The following HSD17B4 variants were observed in gnomAD, a reference collection of about 807,000 sequenced individuals.
HSD17B4 encodes the protein peroxisomal multifunctional enzyme type 2.
A neutral mutation model predicts 101.0 loss-of-function variants in HSD17B4; 70 were observed. That is an observed-to-expected ratio of 0.69 (90% confidence interval 0.57 to 0.85). HSD17B4 has a LOEUF of 0.85. HSD17B4 is among the 40% of genes least tolerant of loss of function. The pLI is 0.00. For missense variants in HSD17B4, 984 were observed against 892.4 expected (o/e 1.10, Z -1.31); for synonymous variants, 347 against 297.1 (o/e 1.17, Z -1.73).
chr5:119,516,961 G>A (rs1406800108), intron 17 of HSD17B4, among the ~76,000 whole-genome samples: 3 of 152,254 alleles, frequency 2.0e-5, no homozygotes, highest in African/African-American at 4.8e-5. Context: ...CACAGCCCTC[G>A]CTCGCTCTCG....
At chr5:119,532,645 C>G (rs532494960) in intron 22 of HSD17B4, among the ~76,000 whole-genome samples, 1 of 152,008 alleles carries the variant, frequency 6.6e-6, no homozygotes, top group Non-Finnish European at 1.5e-5. Context: ...CTATTAATTT[C>G]TAAACCCAGC....
At chr5:119,506,947 CAT>C (rs1334922451) in intron 15 of HSD17B4, 58 bp downstream of exon 15, 1 of 846,190 alleles carries the variant, frequency 1.2e-6, no homozygotes, top group East Asian at 2.6e-5. Flanking sequence ...TTGTGTATGA[CAT>C]AATACTTCAC....
At chr5:119,467,095 T>C (rs897364858) in intron 2 of HSD17B4, among the ~76,000 whole-genome samples, 5 of 152,240 alleles carry the variant, frequency 3.3e-5, no homozygotes, top group Non-Finnish European at 5.9e-5. Flanking sequence ...CCAAAGTTCT[T>C]GTTATTGATT....
chr5:119,503,708 A>C (rs894442377), intron 14 of HSD17B4, among the ~76,000 whole-genome samples: 4 of 151,294 alleles, frequency 2.6e-5, no homozygotes, highest in African/African-American at 9.7e-5. Context: ...CACTAGAAGG[A>C]GTGAAGGAAC....
chr5:119,455,674 A>T (rs1441980678), intron 1 of HSD17B4, among the ~76,000 whole-genome samples: 1 of 151,760 alleles, frequency 6.6e-6, no homozygotes, highest in Non-Finnish European at 1.5e-5. Flanking sequence ...GTCAGGGTTC[A>T]CTGTGGGATA....
intron 17 of HSD17B4, among the ~76,000 whole-genome samples, chr5:119,522,978 C>G (rs1223108698): frequency 6.6e-6 from 1 of 152,158 alleles, no homozygotes. Flanking sequence ...AGCCCTGCCA[C>G]TCTGCAGTAG....
At position 119,529,831 on chromosome 5, in the gene HSD17B4, C is replaced by G. The variant is rs1753901352; in HGVS notation, c.1768-63C>G. On this transcript the variant is annotated intron_variant, in intron 20 of 23. Coordinates refer to ENST00000510025, the MANE Select transcript of HSD17B4 (RefSeq NM_000414.4). ...ATAAATTTTAAACTTTGTACTGTTT[C>G]ACAGTGAAATTACACTTCCATTGTA... 2.1e-5 allele frequency: 20 copies of G among 943,892 alleles called. No individual in the cohort carries two copies. The South Asian group carries it at 2.5e-4, about 12-fold the overall frequency. The allele number at this position is 943,892 out of a possible 1,614,324, so 58.5% of individuals were successfully genotyped here.
chr5:119,533,063 C>G (rs1234417089), intron 22 of HSD17B4, among the ~76,000 whole-genome samples: 1 of 151,942 alleles, frequency 6.6e-6, no homozygotes, highest in Non-Finnish European at 1.5e-5. Flanking sequence ...AAATCTGATT[C>G]CAAATTCCAA....
chr5:119,485,611 C>G (rs996915138), intron 8 of HSD17B4, among the ~76,000 whole-genome samples: 1 of 152,088 alleles, frequency 6.6e-6, no homozygotes, highest in Admixed American at 6.6e-5. Context: ...TTCTCCTCCT[C>G]TAAAATATTT....
intron 2 of HSD17B4, among the ~76,000 whole-genome samples, chr5:119,468,600 A>AT (rs949693073): frequency 6.6e-6 from 1 of 152,020 alleles, no homozygotes; most frequent in African/African-American, 2.4e-5. Flanking sequence ...TGGAGAGGAC[A>AT]TTTTTGGGTT....
At chr5:119,460,153 G>T (rs901138572) in intron 2 of HSD17B4, among the ~76,000 whole-genome samples, 2 of 150,932 alleles carry the variant, frequency 1.3e-5, no homozygotes, top group African/African-American at 4.9e-5. Flanking sequence ...GGGATTACAG[G>T]TGTGAGCCAC....
At chr5:119,513,898 T>C (rs962230295) in intron 16 of HSD17B4, among the ~76,000 whole-genome samples, 1 of 152,208 alleles carries the variant, frequency 6.6e-6, no homozygotes, top group African/African-American at 2.4e-5. Flanking sequence ...TTTTGTGGAA[T>C]AAAAGGTACT....
chr5:119,478,714 A>G, intron 7 of HSD17B4, 120 bp from the exon 8 acceptor site: 1 of 699,516 alleles, frequency 1.4e-6, no homozygotes. Flanking sequence ...TGATCGTAAG[A>G]AGCTAATGAC....
In HSD17B4 at chr5:119,515,025, A is replaced by G. The variant is rs1752490794; in HGVS notation, c.1482A>G (p.Thr494=). Residue 494 remains threonine (T), a synonymous_variant, in exon 17 of 24, where the codon ACA becomes ACG. Transcript: ENST00000510025. ...ATAGACCTCCTGATGCTGTACTTAC[A>G]GATACCACCTCTCTTAATCAGGTAA... ...IPNRPPDAVL[T]DTTSLNQAAL... 4 of 1,583,538 alleles carry G rather than the reference A, an allele frequency of 2.5e-6. No homozygotes were observed. The East Asian group carries it at 9.0e-5, about 36-fold the overall frequency.
At chr5:119,499,916 A>G (rs948116395) in intron 13 of HSD17B4, among the ~76,000 whole-genome samples, 3 of 152,192 alleles carry the variant, frequency 2.0e-5, no homozygotes, top group Non-Finnish European at 4.4e-5. Context: ...TTGGTGAAGA[A>G]GCAAGCCAGG....
At chr5:119,516,635 A>G (rs1282093902) in intron 17 of HSD17B4, among the ~76,000 whole-genome samples, 4 of 152,354 alleles carry the variant, frequency 2.6e-5, no homozygotes, top group South Asian at 4.1e-4. Flanking sequence ...TGGAGGCTAT[A>G]TACCAGTTCC....
chr5:119,508,907 T>C (rs1170282186), intron 15 of HSD17B4, among the ~76,000 whole-genome samples: 2 of 152,230 alleles, frequency 1.3e-5, no homozygotes, highest in African/African-American at 4.8e-5. Context: ...TGCTATTTCA[T>C]AGTTAAGAAA....
chr5:119,529,803 A>C, intron 20 of HSD17B4, 91 bp from the exon 21 acceptor site: 1 of 785,228 alleles, frequency 1.3e-6, no homozygotes, highest in Non-Finnish European at 2.2e-6. Context: ...TGAGGCAAAA[A>C]TAATAAATTT....
Position 119,493,870 on chromosome 5 carries a change from G to T in HSD17B4, c.792G>T (p.Met264Ile). The change falls in exon 11 of 24, where the codon ATG becomes ATT. Residue 264 changes from methionine to isoleucine, a missense_variant. Coordinates refer to ENST00000510025, the MANE Select transcript of HSD17B4 (RefSeq NM_000414.4). ...TTGTAAGACAAAAGAATCACCCAAT[G>T]ACTCCTGAGGCAGTCAAGGCTAACT... ...GAIVRQKNHP[M>I]TPEAVKANWK... 1 of 1,613,062 alleles carries T rather than the reference G, an allele frequency of 6.2e-7. No homozygotes were observed. Among genetic ancestry groups the T allele is most frequent in the South Asian group, 1.1e-5 (1 of 91,050 alleles).
Sources: gnomAD v4.1 joint callset for allele counts (sites outside exome capture counted in the v4.1 genomes callset) on GRCh38, gnomAD v4.1.1 for gene constraint, MANE v1.5 for transcripts, NCBI Gene and HGNC (gene_info 2026-07-23, HGNC 2026-07-21) for gene names.